Variants in ABCB11 observed in about 807,000 individuals in gnomAD.
ABCB11 encodes the protein bile salt export pump.
In ABCB11, 95 loss-of-function variants were observed where a neutral mutation model predicts 148.0. The ratio of observed to expected loss-of-function variants is 0.64; its 90% confidence interval spans 0.54 to 0.76. ABCB11 has a LOEUF of 0.76. Ranked by LOEUF, ABCB11 falls within the 30% of genes least tolerant of loss-of-function variation. The pLI is 0.00. For synonymous variants in ABCB11, 591 were observed against 555.4 expected (o/e 1.06, Z -0.90); for missense variants, 1,523 against 1,617.8 (o/e 0.94, Z 1.01).
intron 1 of ABCB11, among the ~76,000 whole-genome samples, chr2:169,020,290 AT>A (rs562436017): frequency 1.4e-4 from 21 of 152,258 alleles, no homozygotes; most frequent in African/African-American, 4.6e-4. Context: ...ATATTTAACC[AT>A]TTTTTAATTA....
intron 10 of ABCB11, 101 bp from the exon 11 acceptor site, chr2:168,980,080 A>C: frequency 1.5e-6 from 1 of 653,244 alleles, no homozygotes; most frequent in South Asian, 1.8e-5. Flanking sequence ...AGTTATCAGA[A>C]ATTCTCTTCT....
Position 168,976,678 on chromosome 2 carries a change from T to C in ABCB11, c.1207A>G (p.Ile403Val), listed in dbSNP as rs768839605. The C allele has an allele frequency of 1.9e-6, 3 of 1,607,956 alleles. No individual in the cohort carries two copies. Among genetic ancestry groups the C allele is most frequent in the South Asian group, 1.1e-5 (1 of 90,856 alleles). Residue 403 changes from isoleucine to valine, a missense_variant, in exon 12 of 28, where the codon ATT becomes GTT. By Grantham distance (29) the Ile-to-Val change is conservative. Coordinates refer to ENST00000650372, the MANE Select transcript of ABCB11 (RefSeq NM_003742.4). ...TAACCATCTTCTGACATGCAGTCAATGATGGGTTTCTGGAGTGAAATACAA... is the reference window on the plus strand; with the variant it reads ...TAACCATCTTCTGACATGCAGTCAACGATGGGTTTCTGGAGTGAAATACAA... The part of the protein sequence containing the change: ...IFETIDRKPI[I>V]DCMSEDGYKL...
chr2:168,930,801 T>G lies in ABCB11; in HGVS notation c.3275A>C (p.Asp1092Ala), dbSNP rs2105888700. Reference sequence around the variant, plus strand: ...TGAGAGACCATTCAGAACTTGCGAGTCAGGTCGAGAAGGATATGTAAATTT... The same window carrying G: ...TGAGAGACCATTCAGAACTTGCGAGGCAGGTCGAGAAGGATATGTAAATTT... The part of the protein sequence containing the change: ...DCKFTYPSRP[D>A]SQVLNGLSVS... Residue 1092 changes from aspartate (D) to alanine (A), a missense_variant, in exon 25 of 28, where the codon GAC (aspartate) becomes GCC (alanine). Physicochemically the swap from Asp to Ala is moderately radical, Grantham distance 126 (BLOSUM62 -2). Transcript: ENST00000650372. 1.2e-6 allele frequency: 2 copies of G among 1,613,226 alleles called. No homozygotes were observed. Among genetic ancestry groups the G allele is most frequent in the East Asian group, 4.5e-5 (2 of 44,874 alleles).
In ABCB11 at chr2:168,930,763, G is replaced by A; in HGVS notation, c.3313C>T (p.Pro1105Ser). Residue 1105 changes from proline (P) to serine (S), a missense_variant, in exon 25 of 28, where the codon CCA becomes TCA. Coordinates refer to ENST00000650372, the MANE Select transcript of ABCB11 (RefSeq NM_003742.4). ...VLNGLSVSISPGQTLAFVGSS... is the reference protein window; with the variant it reads ...VLNGLSVSISSGQTLAFVGSS... The stretch of plus-strand genomic sequence containing the variant: ...CCAACAAACGCCAGTGTCTGCCCTG[G>A]ACTAATCGACACTGAGAGACCATTC... The A allele has an allele frequency of 6.2e-7, 1 of 1,613,752 alleles. No homozygotes were observed. Among genetic ancestry groups the A allele is most frequent in the Non-Finnish European group, 8.5e-7 (1 of 1,179,780 alleles).
At chr2:168,920,367 A>T (rs1347919500), downstream of ABCB11, among the ~76,000 whole-genome samples, 3 of 121,896 alleles carry the variant, frequency 2.5e-5, no homozygotes, top group African/African-American at 1.1e-4. Flanking sequence ...ACTATTTTTT[A>T]AAATAGTCTA....
At chr2:169,029,934 G>A (rs1573998609) in intron 1 of ABCB11, among the ~76,000 whole-genome samples, 1 of 129,312 alleles carries the variant, frequency 7.7e-6, no homozygotes, top group Non-Finnish European at 1.7e-5. Context: ...TAGAGACGGG[G>A]TTTCACCGTG....
chr2:168,973,841 C>A lies in ABCB11; in HGVS notation c.1309-1G>T. ...TGACCATGTTGAGGTCATTTAGAAT[C>A]TGGAGAAGAAAGAAAACAGCAAAGT... is the stretch of plus-strand genomic sequence containing the variant. On this transcript the variant is annotated splice_acceptor_variant, in intron 12 of 27. Transcript: ENST00000650372. LOFTEE classifies it high-confidence loss of function. 1 of 1,610,630 alleles carries A rather than the reference C, an allele frequency of 6.2e-7. No individual in the cohort carries two copies. The highest frequency in any genetic ancestry group is 8.5e-7 in the Non-Finnish European group (1 of 1,177,604).
chr2:168,930,853 G>C lies in ABCB11; in HGVS notation c.3223C>G (p.Gln1075Glu). 6.3e-7 allele frequency: 1 copy of C among 1,597,814 alleles called. No individual in the cohort carries two copies. The highest frequency in any genetic ancestry group is 8.5e-7 in the Non-Finnish European group (1 of 1,172,358). The change falls in exon 25 of 28, where the codon CAG (glutamine) becomes GAG (glutamate). Residue 1075 changes from glutamine to glutamate, a missense_variant. Physicochemically the swap from Gln to Glu is conservative, Grantham distance 29 (BLOSUM62 2). Transcript: ENST00000650372. ...CAATCAACAAAATCAATCTTCCCCT[G>C]GAAGTTGTCCTGTGGATGGGAGGAT... ...NTAGEKWDNFQGKIDFVDCKF... is the reference protein window; with the variant it reads ...NTAGEKWDNFEGKIDFVDCKF...
At chr2:169,013,540 T>C in intron 4 of ABCB11, 30 bp from the exon 5 acceptor site, 6 of 1,581,408 alleles carry the variant, frequency 3.8e-6, no homozygotes, top group Non-Finnish European at 5.2e-6. Context: ...AGAGATCATC[T>C]ATGGGTGAAG....
rs995512747 is a variant in ABCB11, at chr2:168,944,577, T to C, written c.2610+28A>G. On this transcript the variant is annotated intron_variant, in intron 21 of 27. Transcript: ENST00000650372. ...TGAAAGAATGCCAATGCAGTTAATA[T>C]ACTTCTATTTCCCCTCCCATAGCTC... The C allele has an allele frequency of 3.2e-6, 5 of 1,562,982 alleles. No homozygotes were observed. The African/African-American group carries it at 5.5e-5, about 17-fold the overall frequency.
At chr2:168,985,167 C>A (rs1310389587) in intron 10 of ABCB11, among the ~76,000 whole-genome samples, 1 of 152,110 alleles carries the variant, frequency 6.6e-6, no homozygotes, top group East Asian at 1.9e-4. Flanking sequence ...CACTAATGAT[C>A]AGGGAAATAC....
In ABCB11 at chr2:168,923,481, A is replaced by G; in HGVS notation, c.*141T>C. On this transcript the variant is annotated 3_prime_UTR_variant, in exon 28 of 28. Coordinates refer to ENST00000650372, the MANE Select transcript of ABCB11 (RefSeq NM_003742.4). ...ATTAGCTTGGATTCCGATGTAGGAA[A>G]ATGACTGTAAAAGTAAAATATTAAC... 2 of 752,816 alleles carry G rather than the reference A, an allele frequency of 2.7e-6. No individual in the cohort carries two copies. The highest frequency in any genetic ancestry group is 4.3e-6 in the Non-Finnish European group (2 of 462,466). 46.6% of individuals were successfully genotyped at this position (752,816 alleles called of 1,614,324 possible).
chr2:168,958,669 A>C (rs1692913856), intron 18 of ABCB11, among the ~76,000 whole-genome samples: 1 of 151,756 alleles, frequency 6.6e-6, no homozygotes, highest in African/African-American at 2.4e-5. Flanking sequence ...CAGTACCCAG[A>C]GGTAAGTAGT....
At chr2:168,968,397 C>T in intron 17 of ABCB11, 30 bp downstream of exon 17, 3 of 1,600,638 alleles carry the variant, frequency 1.9e-6, no homozygotes, top group Middle Eastern at 1.7e-4. Flanking sequence ...ATTTGGAAAG[C>T]TTGTAATCTG....
At chr2:168,964,490 C>T (rs546176794) in intron 17 of ABCB11, among the ~76,000 whole-genome samples, 182 bp from the exon 18 acceptor site, 2 of 151,800 alleles carry the variant, frequency 1.3e-5, no homozygotes, top group African/African-American at 4.8e-5. Flanking sequence ...CAGAGCTAAT[C>T]AGGTTGATTG....
Position 168,964,186 on chromosome 2 carries a change from A to T in ABCB11, c.2178+20T>A, listed in dbSNP as rs1448471530. 16 of 1,526,382 alleles carry T rather than the reference A, an allele frequency of 1.0e-5. No individual in the cohort carries two copies. The highest frequency in any genetic ancestry group is 9.8e-5 in the Admixed American group (5 of 50,904). The allele number at this position is 1,526,382 out of a possible 1,614,324, so 94.6% of individuals were successfully genotyped here. A position where few individuals can be genotyped will look rare whatever the true frequency, so the allele number is the denominator to read the frequency against. The stretch of plus-strand genomic sequence containing the variant: ...GGAGAGACTTCTTCCATTCCCCCCC[A>T]TAAGCAGTTGGTGCCTGACCTTTCT... On this transcript the variant is annotated intron_variant, in intron 18 of 27. Coordinates refer to ENST00000650372, the MANE Select transcript of ABCB11 (RefSeq NM_003742.4).
intron 18 of ABCB11, among the ~76,000 whole-genome samples, chr2:168,962,888 T>A (rs1693136405): frequency 6.6e-6 from 1 of 151,720 alleles, no homozygotes; most frequent in South Asian, 2.1e-4. Context: ...ATCCTGCTGC[T>A]CCTGAGAAAA....
intron 8 of ABCB11, among the ~76,000 whole-genome samples, chr2:168,991,191 A>G (rs187337649): frequency 1.5e-3 from 233 of 152,284 alleles, no homozygotes; most frequent in Non-Finnish European, 2.5e-3. Context: ...ACATTCTGTA[A>G]GACTAAAGTG....
chr2:168,964,416 G>T, intron 17 of ABCB11, 108 bp from the exon 18 acceptor site: 1 of 908,926 alleles, frequency 1.1e-6, no homozygotes, highest in Non-Finnish European at 1.7e-6. Context: ...GAAATGTTTG[G>T]TAGGTCACAT....
Sources: allele counts gnomAD v4.1 joint callset (sites outside exome capture counted in the v4.1 genomes callset), GRCh38; gene constraint gnomAD v4.1.1; transcripts MANE v1.5; gene names NCBI Gene and HGNC (gene_info 2026-07-23, HGNC 2026-07-21).